Variants in DACH2 observed in about 807,000 individuals in gnomAD.
The protein encoded by DACH2 is dachshund family transcription factor 2.
In DACH2, 17 loss-of-function variants were observed where a neutral mutation model predicts 35.8. The observed-to-expected ratio is 0.48, with a 90% CI of 0.33 to 0.71. DACH2 has a LOEUF of 0.71. Ranked by LOEUF, DACH2 falls within the 30% of genes least tolerant of loss-of-function variation. The pLI, the probability that DACH2 is intolerant of heterozygous loss-of-function variation, is 0.02. For synonymous variants in DACH2, 195 were observed against 177.3 expected, an observed-to-expected ratio of 1.10 and a Z score of -0.79; for missense variants, 469 against 472.7, an observed-to-expected ratio of 0.99 and a Z score of 0.07.
intron 1 of DACH2, among the ~76,000 whole-genome samples, chrX:86,189,630 T>C (rs145327460): frequency 0.015 from 1,702 of 111,408 alleles, 32 homozygotes; most frequent in African/African-American, 0.05. Flanking sequence ...ACCAAAATAA[T>C]ATAAATAATA....
chrX:86,257,993 C>A (rs1475882579), intron 1 of DACH2, among the ~76,000 whole-genome samples: 9 of 111,109 alleles, frequency 8.1e-5, no homozygotes, highest in Non-Finnish European at 1.5e-4. Context: ...TTCTGCCTCA[C>A]AGATATGCAA....
intron 3 of DACH2, among the ~76,000 whole-genome samples, chrX:86,592,762 T>C (rs1392119592): frequency 8.9e-6 from 1 of 112,006 alleles, no homozygotes; most frequent in Non-Finnish European, 1.9e-5. Context: ...TTATATCTAG[T>C]TATTTCATTT....
At chrX:86,457,646 C>G (rs1330141027) in intron 2 of DACH2, among the ~76,000 whole-genome samples, 2 of 111,943 alleles carry the variant, frequency 1.8e-5, no homozygotes, top group African/African-American at 3.2e-5. Flanking sequence ...AGATAATGAA[C>G]AAGTAAATGA....
At chrX:86,484,561 C>T (rs1319868903) in intron 2 of DACH2, among the ~76,000 whole-genome samples, 2 of 112,047 alleles carry the variant, frequency 1.8e-5, no homozygotes, top group African/African-American at 3.2e-5. Flanking sequence ...TCTTCAAAGG[C>T]GCTCTGACTT....
chrX:86,823,006 A>G (rs1015936494), intron 11 of DACH2, among the ~76,000 whole-genome samples: 3 of 111,372 alleles, frequency 2.7e-5, no homozygotes, highest in African/African-American at 9.8e-5. Context: ...CCCAGGCAGG[A>G]GTGCAGTGGC....
chrX:86,592,285 T>C (rs1372291585), intron 3 of DACH2, among the ~76,000 whole-genome samples: 5 of 112,118 alleles, frequency 4.5e-5, no homozygotes, highest in Non-Finnish European at 9.4e-5. Context: ...TTATGATTTC[T>C]CCATGACTTG....
intron 3 of DACH2, among the ~76,000 whole-genome samples, chrX:86,646,446 TA>T (rs887374302): frequency 2.2e-4 from 24 of 109,955 alleles, no homozygotes; most frequent in Non-Finnish European, 3.8e-4. Flanking sequence ...TACTTTTATT[TA>T]AAAAAAATGG....
intron 5 of DACH2, among the ~76,000 whole-genome samples, chrX:86,710,099 A>T (rs1343094707): frequency 8.9e-6 from 1 of 112,363 alleles, no homozygotes; most frequent in African/African-American, 3.2e-5. Flanking sequence ...AATTACTAAA[A>T]ATTAGAAACA....
At chrX:86,392,245 AC>A (rs1339067779) in intron 2 of DACH2, among the ~76,000 whole-genome samples, 1 of 111,569 alleles carries the variant, frequency 9.0e-6, no homozygotes, top group Non-Finnish European at 1.9e-5. Context: ...TTAAAATGAT[AC>A]CTGTTCTTGG....
At chrX:86,449,373 C>A (rs2037325103) in intron 2 of DACH2, among the ~76,000 whole-genome samples, 1 of 105,809 alleles carries the variant, frequency 9.5e-6, no homozygotes, top group Non-Finnish European at 1.9e-5. Flanking sequence ...TTTTCTAGTT[C>A]TTTTAATTGT....
At chrX:86,244,792 A>G (rs942105348) in intron 1 of DACH2, among the ~76,000 whole-genome samples, 3 of 112,542 alleles carry the variant, frequency 2.7e-5, no homozygotes, top group Non-Finnish European at 3.7e-5. Flanking sequence ...AATACTCTGT[A>G]GACAACACAT....
chrX:86,502,330 G>A (rs1249179636), intron 2 of DACH2, among the ~76,000 whole-genome samples: 2 of 111,618 alleles, frequency 1.8e-5, no homozygotes, highest in African/African-American at 6.5e-5. Context: ...GTGTTAGGGT[G>A]AAGGTTATCA....
At chrX:86,663,581 G>T (rs1602753478) in intron 4 of DACH2, among the ~76,000 whole-genome samples, 1 of 111,533 alleles carries the variant, frequency 9.0e-6, no homozygotes, top group Admixed American at 9.6e-5. Flanking sequence ...AGAACTAAAA[G>T]TTAGGATCCC....
intron 1 of DACH2, among the ~76,000 whole-genome samples, chrX:86,150,867 C>T (rs2030339757): frequency 9.0e-6 from 1 of 111,205 alleles, no homozygotes; most frequent in Non-Finnish European, 1.9e-5. Context: ...ACATGAAAAC[C>T]TATTCTCTTA....
At chrX:86,461,554 G>A (rs191109755) in intron 2 of DACH2, among the ~76,000 whole-genome samples, 1 of 110,807 alleles carries the variant, frequency 9.0e-6, no homozygotes, top group Non-Finnish European at 1.9e-5. Flanking sequence ...CCTCAGAAAA[G>A]GGGTAATGCA....
chrX:86,461,252 A>G (rs1026838066), intron 2 of DACH2, among the ~76,000 whole-genome samples: 2 of 111,655 alleles, frequency 1.8e-5, no homozygotes, highest in African/African-American at 6.5e-5. Context: ...AGTGTTTGAG[A>G]GAAGCGCTTG....
At chrX:86,649,622 CAG>C (rs1272052585) in intron 3 of DACH2, among the ~76,000 whole-genome samples, 1 of 111,056 alleles carries the variant, frequency 9.0e-6, no homozygotes, top group African/African-American at 3.3e-5. Context: ...AATTTCCCTT[CAG>C]ATTTTTTCTT....
chrX:86,747,653 C>G (rs903164880), intron 7 of DACH2, among the ~76,000 whole-genome samples: 13 of 111,794 alleles, frequency 1.2e-4, no homozygotes, highest in African/African-American at 2.9e-4. Flanking sequence ...ATTATCTAAG[C>G]CTTCGCCGAG....
chrX:86,566,785 A>G (rs1173975877), intron 3 of DACH2, among the ~76,000 whole-genome samples: 1 of 111,398 alleles, frequency 9.0e-6, no homozygotes, highest in African/African-American at 3.2e-5. Flanking sequence ...ATAATTTCAC[A>G]TTCAATTTCT....
Sources: allele counts gnomAD v4.1 joint callset (sites outside exome capture counted in the v4.1 genomes callset), GRCh38; gene constraint gnomAD v4.1.1; transcripts MANE v1.5; gene names NCBI Gene and HGNC (gene_info 2026-07-23, HGNC 2026-07-21).